Variants in CASZ1 observed in about 807,000 individuals in gnomAD.
The protein encoded by CASZ1 is zinc finger protein castor homolog 1.
Under a neutral mutation model 135.2 loss-of-function variants are expected in CASZ1, and 28 were observed. The ratio of observed to expected loss-of-function variants is 0.21; its 90% CI spans 0.15 to 0.28. CASZ1 has a LOEUF of 0.28. Among genes scored for constraint, CASZ1 ranks in the 10% least tolerant of loss-of-function variants. The probability of loss-of-function intolerance (pLI) is 1.00; values close to 1 mark genes in which losing one functional copy is unlikely to be tolerated. For synonymous variants in CASZ1, 1,068 were observed against 1,073.4 expected (o/e 0.99, Z 0.10); for missense variants, 2,161 against 2,453.3 (o/e 0.88, Z 2.52).
intron 2 of CASZ1, among the ~76,000 whole-genome samples, chr1:10,705,921 G>A (rs917393321): frequency 2.0e-5 from 3 of 152,242 alleles, no homozygotes; most frequent in African/African-American, 7.2e-5. Context: ...GAGCTGCAGC[G>A]GCCTAGCAGG....
At chr1:10,749,518 A>G (rs1640110953) in intron 2 of CASZ1, among the ~76,000 whole-genome samples, 1 of 152,120 alleles carries the variant, frequency 6.6e-6, no homozygotes, top group Non-Finnish European at 1.5e-5. Flanking sequence ...AAGTGCTGGG[A>G]TTACAGGTGT....
At chr1:10,793,794 A>C (rs1397976915) in intron 1 of CASZ1, among the ~76,000 whole-genome samples, 1 of 152,014 alleles carries the variant, frequency 6.6e-6, no homozygotes, top group Non-Finnish European at 1.5e-5. Context: ...CCTCCTGGAA[A>C]GGAGAAGTTC....
intron 1 of CASZ1, among the ~76,000 whole-genome samples, chr1:10,779,054 G>C (rs569242240): frequency 7.9e-5 from 12 of 152,230 alleles, no homozygotes; most frequent in African/African-American, 2.6e-4. Flanking sequence ...AGTTTGCTTT[G>C]GTTCACATTT....
In CASZ1 at chr1:10,707,868, AG is replaced by A. The variant is rs1399761063; in HGVS notation, c.-76-2325del. Among the ~76,000 whole-genome samples the A allele has an allele frequency of 1.3e-5, 2 of 152,152 alleles. No homozygotes were observed. Among genetic ancestry groups the A allele is most frequent in the Non-Finnish European group, 2.9e-5 (2 of 68,034 alleles). ...GACGTAGTTAAGGAAGGATTCTCCA[AG>A]GCCGGGGGAGAGGCACAGTACTGGG... is the stretch of plus-strand genomic sequence containing the variant. On this transcript the variant is annotated intron_variant, in intron 2 of 20. Coordinates refer to ENST00000377022, the MANE Select transcript of CASZ1 (RefSeq NM_001079843.3). This position sits in a 1 kb window ranked among gnomAD's most constrained non-coding sequence, Gnocchi z 5.0.
chr1:10,638,702 G>C lies in CASZ1; in HGVS notation c.*240C>G. 1 of 198,930 alleles carries C rather than the reference G, an allele frequency of 5.0e-6. No individual in the cohort carries two copies. The allele number at this position is 198,930 out of a possible 1,614,324, so 12.3% of individuals were successfully genotyped here. A position where few individuals can be genotyped will look rare whatever the true frequency, so the allele number is the denominator to read the frequency against. ...CCCCTGCTCCTAGGTTCCCTACCCC[G>C]GGACAAGAGCACCTTCTGTTTCCCT... On this transcript the variant is annotated 3_prime_UTR_variant, in exon 21 of 21. Transcript: ENST00000377022. This position sits in a 1 kb window ranked among gnomAD's most constrained non-coding sequence, Gnocchi z 5.9.
intron 2 of CASZ1, among the ~76,000 whole-genome samples, chr1:10,749,562 G>T (rs1452815159): frequency 6.6e-6 from 1 of 152,032 alleles, no homozygotes; most frequent in Non-Finnish European, 1.5e-5. Context: ...TTCCTTTTAT[G>T]CTGCAAACTT....
At chr1:10,672,513 G>C (rs955957870) in intron 4 of CASZ1, among the ~76,000 whole-genome samples, 1 of 148,440 alleles carries the variant, frequency 6.7e-6, no homozygotes, top group Non-Finnish European at 1.5e-5. Context: ...GGCCCAATCT[G>C]TTTTCAAAGT....
In CASZ1 at chr1:10,670,592, A is replaced by T. The variant is rs111777740; in HGVS notation, c.17-5021T>A. On this transcript the variant is annotated intron_variant, in intron 4 of 20. Coordinates refer to ENST00000377022, the MANE Select transcript of CASZ1 (RefSeq NM_001079843.3). ...CCCTGGGCTGACTCCTCAGGCTATG[A>T]TGTGGGCACACAGGCAGCCCTGGCT... is the stretch of plus-strand genomic sequence containing the variant. 9.7e-3 allele frequency among the ~76,000 whole-genome samples: 1,472 copies of T among 152,312 alleles called. 7 individuals carry two copies. Among genetic ancestry groups the T allele is most frequent in the East Asian group, 0.026 (135 of 5,168 alleles).
rs1199980764 is a variant in CASZ1, at chr1:10,747,855, C to T, written c.-77+12846G>A. On this transcript the variant is annotated intron_variant, in intron 2 of 20. Coordinates refer to ENST00000377022, the MANE Select transcript of CASZ1 (RefSeq NM_001079843.3). This position sits in a 1 kb window ranked among gnomAD's most constrained non-coding sequence, Gnocchi z 4.3. ...TTTTTGAGATGGAGTCTCGCTCTGC[C>T]GCCCAGGCTGGAGTGCAGTGGTGTG... is the stretch of plus-strand genomic sequence containing the variant. 3.3e-5 allele frequency among the ~76,000 whole-genome samples: 5 copies of T among 151,096 alleles called. No homozygotes were observed. The highest frequency in any genetic ancestry group is 3.2e-3 in the Middle Eastern group (1 of 316).
chr1:10,738,361 C>G (rs1185157266), intron 2 of CASZ1, among the ~76,000 whole-genome samples: 1 of 152,216 alleles, frequency 6.6e-6, no homozygotes, highest in Non-Finnish European at 1.5e-5. Context: ...ACCCCACCCA[C>G]CCCCTCCTTT....
At position 10,776,203 on chromosome 1, in the gene CASZ1, A is replaced by G. The variant is rs1268127922; in HGVS notation, c.-233-15346T>C. On this transcript the variant is annotated intron_variant, in intron 1 of 20. Transcript: ENST00000377022. This position sits in a 1 kb window ranked among gnomAD's most constrained non-coding sequence, Gnocchi z 4.1. The stretch of plus-strand genomic sequence containing the variant: ...ATAAAACACTAATACAGCGTCTTGT[A>G]TCCAGGGGAAGAGCTAAAATTAACA... Among the ~76,000 whole-genome samples the G allele has an allele frequency of 6.6e-6, 1 of 152,262 alleles. No homozygotes were observed. Among genetic ancestry groups the G allele is most frequent in the East Asian group, 1.9e-4 (1 of 5,206 alleles).
chr1:10,645,028 T>C lies in CASZ1; in HGVS notation c.3757A>G (p.Thr1253Ala). 6.2e-7 allele frequency: 1 copy of C among 1,614,016 alleles called. No individual in the cohort carries two copies. Among genetic ancestry groups the C allele is most frequent in the South Asian group, 1.1e-5 (1 of 91,084 alleles). ...HCLRTGCYFV[T>A]NITTKLPWHI... ...CAGGGGAGCTTGGTGGTGATGTTGG[T>C]CACAAAATAGCAGCCGGTGCGGAGG... Residue 1253 changes from threonine (T) to alanine (A), a missense_variant, in exon 18 of 21, where the codon ACC becomes GCC. This residue lies in a region of CASZ1 where 349 missense variants were observed against 460.8 expected (regional missense o/e 0.76). Coordinates refer to ENST00000377022, the MANE Select transcript of CASZ1 (RefSeq NM_001079843.3).
At position 10,647,759 on chromosome 1, in the gene CASZ1, C is replaced by T. The variant is rs374665348; in HGVS notation, c.3497+42G>A. 881 of 1,610,286 alleles carry T rather than the reference C, an allele frequency of 5.5e-4. 3 individuals carry two copies. Among genetic ancestry groups the T allele is most frequent in the Non-Finnish European group, 6.6e-4 (783 of 1,179,960 alleles). ...CCCTTGCTAGCACCTACTCCCGAGA[C>T]GCGAGGGGAACGCGGGACTCCCGGC... On this transcript the variant is annotated intron_variant, in intron 16 of 20. Transcript: ENST00000377022. The surrounding 1 kb of genome is among the most constrained non-coding windows in gnomAD (Gnocchi z 4.9).
In CASZ1 at chr1:10,788,510, A is replaced by T. The variant is rs1435829281; in HGVS notation, c.-234+8054T>A. Among the ~76,000 whole-genome samples the T allele has an allele frequency of 1.3e-5, 2 of 152,112 alleles. No homozygotes were observed. Among genetic ancestry groups the T allele is most frequent in the Admixed American group, 1.3e-4 (2 of 15,282 alleles). ...TATAAGCAACATTTATGCTTACGAG[A>T]TTTTTTTTATTAAGAGGATTCTCAA... On this transcript the variant is annotated intron_variant, in intron 1 of 20. Transcript: ENST00000377022. This position sits in a 1 kb window ranked among gnomAD's most constrained non-coding sequence, Gnocchi z 4.1.
intron 4 of CASZ1, among the ~76,000 whole-genome samples, chr1:10,685,413 ATTGT>A (rs1221336258): frequency 1.3e-5 from 2 of 152,212 alleles, no homozygotes; most frequent in African/African-American, 4.8e-5. Context: ...TCTATTTTTA[ATTGT>A]TTGATCAGAA....
chr1:10,731,725 G>A (rs1639704659), intron 2 of CASZ1, among the ~76,000 whole-genome samples: 1 of 152,174 alleles, frequency 6.6e-6, no homozygotes, highest in South Asian at 2.1e-4. Flanking sequence ...GTGATAGTCT[G>A]CAAAGGCCCT....
intron 2 of CASZ1, among the ~76,000 whole-genome samples, chr1:10,748,137 G>T (rs982057722): frequency 6.6e-6 from 1 of 152,074 alleles, no homozygotes; most frequent in Non-Finnish European, 1.5e-5. Context: ...CCTTTCAAAG[G>T]CTCCCTGCAT....
intron 2 of CASZ1, among the ~76,000 whole-genome samples, chr1:10,713,802 C>A (rs1209694392): frequency 6.6e-6 from 1 of 152,004 alleles, no homozygotes; most frequent in Non-Finnish European, 1.5e-5. Context: ...AGAGCCCTGC[C>A]GGGTTGGCAT....
At position 10,694,477 on chromosome 1, in the gene CASZ1, C is replaced by T. The variant is rs1262488352; in HGVS notation, c.-23-565G>A. ...GCAGGAGGGAGCGGGCGGGCGGGCG[C>T]GGCCGGGGGCGCTGCCAGGCGCCGC... On this transcript the variant is annotated intron_variant, in intron 3 of 20. Coordinates refer to ENST00000377022, the MANE Select transcript of CASZ1 (RefSeq NM_001079843.3). The surrounding 1 kb of genome is among the most constrained non-coding windows in gnomAD (Gnocchi z 6.6). 1.1e-5 allele frequency: 2 copies of T among 177,322 alleles called. No homozygotes were observed. The highest frequency in any genetic ancestry group is 2.1e-5 in the Non-Finnish European group (2 of 93,628). The allele number at this position is 177,322 out of a possible 1,614,324, so 11.0% of individuals were successfully genotyped here.
Sources: gnomAD v4.1 joint callset for allele counts (sites outside exome capture counted in the v4.1 genomes callset) on GRCh38, gnomAD v4.1.1 for gene constraint, gnomAD v4.1.1 regional missense constraint, Gnocchi (gnomAD v3.1) non-coding constraint, MANE v1.5 for transcripts, NCBI Gene and HGNC (gene_info 2026-07-23, HGNC 2026-07-21) for gene names.